PPP1R42: variants seen among roughly 807,000 people sequenced by gnomAD.
PPP1R42 encodes the protein leucine rich repeat containing 67.
Under a neutral mutation model 31.0 loss-of-function variants are expected in PPP1R42, and 34 were observed. The ratio of observed to expected loss-of-function variants is 1.10; its 90% CI spans 0.83 to 1.46. PPP1R42 has a LOEUF of 1.46. Among genes scored for constraint, PPP1R42 ranks in the 40% most tolerant of loss-of-function variants. The probability of loss-of-function intolerance (pLI) is 0.00; values close to 1 mark genes in which losing one functional copy is unlikely to be tolerated. For synonymous variants in PPP1R42, 103 were observed against 109.8 expected, an observed-to-expected ratio of 0.94 and a Z score of 0.39; for missense variants, 268 against 303.0, an observed-to-expected ratio of 0.88 and a Z score of 0.86.
Position 66,988,521 on chromosome 8 carries a change from T to C in PPP1R42, c.553-4A>G. 5.0e-6 allele frequency: 8 copies of C among 1,594,426 alleles called. No homozygotes were observed. Among genetic ancestry groups the C allele is most frequent in the African/African-American group, 1.4e-5 (1 of 73,732 alleles). On this transcript the variant is annotated splice_region_variant and splice_polypyrimidine_tract_variant and intron_variant, in intron 5 of 7. Transcript: ENST00000685739. ...TGTTCAGTAAAAACTCCAAATCCTA[T>C]AATTAGAGAAGAAAAAGCAAAGCAC...
At chr8:67,014,736 T>G (rs192651255) in intron 2 of PPP1R42, 144 bp from the exon 3 acceptor site, 20 of 530,050 alleles carry the variant, frequency 3.8e-5, no homozygotes. Flanking sequence ...CTTGGCACAG[T>G]TAAAACAAGA....
In PPP1R42 at chr8:66,987,270, C is replaced by G. The variant is rs560615318; in HGVS notation, c.670+1130G>C. ...TGCCTCCGTTAACCTGTCTCCATCT[C>G]ATTTTTAGCAAATGATCTTTTTTTT... is the stretch of plus-strand genomic sequence containing the variant. On this transcript the variant is annotated intron_variant, in intron 6 of 7. Coordinates refer to ENST00000685739, the MANE Select transcript of PPP1R42 (RefSeq NM_001364910.1). Among the ~76,000 whole-genome samples, 242 of 147,978 alleles carry G rather than the reference C, an allele frequency of 1.6e-3. 1 individual carries two copies. The highest frequency in any genetic ancestry group is 5.8e-3 in the African/African-American group (235 of 40,172).
intron 7 of PPP1R42, chr8:66,970,956 C>G (rs1005569502): frequency 6.7e-7 from 1 of 1,483,446 alleles, no homozygotes; most frequent in Non-Finnish European, 9.1e-7. Context: ...AAGATAAAGT[C>G]ACATAAATAT....
intron 7 of PPP1R42, among the ~76,000 whole-genome samples, chr8:66,971,752 C>T (rs558316898): frequency 6.6e-6 from 1 of 152,234 alleles, no homozygotes; most frequent in East Asian, 1.9e-4. Flanking sequence ...AGTATGTTTA[C>T]AATTTTGTGT....
chr8:67,006,248 C>T (rs572971405), intron 5 of PPP1R42, among the ~76,000 whole-genome samples: 1 of 152,216 alleles, frequency 6.6e-6, no homozygotes, highest in Non-Finnish European at 1.5e-5. Context: ...CGAGGCCTTT[C>T]GTAATAACCT....
intron 7 of PPP1R42, among the ~76,000 whole-genome samples, chr8:66,977,057 G>T (rs577455911): frequency 1.9e-4 from 28 of 145,814 alleles, no homozygotes; most frequent in African/African-American, 7.1e-4. Context: ...TTTTTTAGAC[G>T]TAGTCTTGCT....
chr8:66,987,595 A>C (rs1019315632), intron 6 of PPP1R42, among the ~76,000 whole-genome samples: 1 of 152,100 alleles, frequency 6.6e-6, no homozygotes, highest in Non-Finnish European at 1.5e-5. Context: ...CCCGGCCTCA[A>C]ATGTTCTTAT....
At chr8:67,008,286 C>T (rs1338116496) in intron 5 of PPP1R42, among the ~76,000 whole-genome samples, 2 of 152,072 alleles carry the variant, frequency 1.3e-5, no homozygotes, top group Non-Finnish European at 2.9e-5. Context: ...TTTCAGGCAT[C>T]CACTGAGGGT....
At chr8:66,989,984 G>A (rs376008235) in intron 5 of PPP1R42, among the ~76,000 whole-genome samples, 3 of 152,194 alleles carry the variant, frequency 2.0e-5, no homozygotes, top group Non-Finnish European at 4.4e-5. Context: ...AACAGAGAGC[G>A]AAAACATTTT....
intron 7 of PPP1R42, chr8:66,970,854 G>A: frequency 1.3e-6 from 1 of 782,160 alleles, no homozygotes; most frequent in Non-Finnish European, 2.2e-6. Flanking sequence ...TCTATGTTTG[G>A]CCAAAAAGGA....
At position 67,020,305 on chromosome 8, in the gene PPP1R42, C is replaced by G. The variant is rs184285571; in HGVS notation, c.-84-2474G>C. On this transcript the variant is annotated intron_variant, in intron 1 of 7. Coordinates refer to ENST00000685739, the MANE Select transcript of PPP1R42 (RefSeq NM_001364910.1). Reference sequence around the variant, plus strand: ...GCAACCTCCGCCTCCTGGGTTCAAGCAATTCTGCCTCAGCCTCCCGAGTAG... The same window carrying G: ...GCAACCTCCGCCTCCTGGGTTCAAGGAATTCTGCCTCAGCCTCCCGAGTAG... Among the ~76,000 whole-genome samples, 285 of 152,182 alleles carry G rather than the reference C, an allele frequency of 1.9e-3. 4 individuals are homozygous for G. The highest frequency in any genetic ancestry group is 6.6e-3 in the African/African-American group (274 of 41,530).
intron 7 of PPP1R42, among the ~76,000 whole-genome samples, chr8:66,965,263 C>CA (rs35319935): frequency 0.062 from 4,078 of 65,916 alleles, 92 homozygotes; most frequent in Non-Finnish European, 0.093. Context: ...GACTCCGTCT[C>CA]AAAAAAAAAA....
intron 1 of PPP1R42, among the ~76,000 whole-genome samples, chr8:67,019,346 A>G (rs1329661336): frequency 6.9e-6 from 1 of 145,864 alleles, no homozygotes; most frequent in Non-Finnish European, 1.5e-5. Context: ...GGTTCAAGCA[A>G]TTCTCTGCCT....
At chr8:67,019,499 A>AGGGG (rs1816142260) in intron 1 of PPP1R42, among the ~76,000 whole-genome samples, 2 of 151,116 alleles carry the variant, frequency 1.3e-5, no homozygotes, top group South Asian at 4.2e-4. Flanking sequence ...CGGCCTCCCA[A>AGGGG]AGTGCTAGGA....
chr8:66,966,402 T>G (rs1814380495), intron 7 of PPP1R42, among the ~76,000 whole-genome samples: 1 of 152,148 alleles, frequency 6.6e-6, no homozygotes, highest in South Asian at 2.1e-4. Context: ...TGACGTTGGG[T>G]CCTTCTGATT....
chr8:67,019,403 G>T (rs567281002), intron 1 of PPP1R42, among the ~76,000 whole-genome samples: 1 of 149,770 alleles, frequency 6.7e-6, no homozygotes, highest in East Asian at 2.1e-4. Flanking sequence ...ACCATGCCCG[G>T]CTAATTTTTG....
chr8:66,991,396 A>T (rs765863216), intron 5 of PPP1R42, among the ~76,000 whole-genome samples: 9 of 152,238 alleles, frequency 5.9e-5, no homozygotes, highest in Non-Finnish European at 8.8e-5. Context: ...TAAAGGAGGT[A>T]CAGGAAAAAC....
chr8:67,003,364 G>T (rs1815565476), intron 5 of PPP1R42, among the ~76,000 whole-genome samples: 1 of 112,014 alleles, frequency 8.9e-6, no homozygotes, highest in African/African-American at 3.4e-5. Flanking sequence ...ATTTTTCTCT[G>T]GTTATGATTT....
chr8:66,978,842 T>C (rs939240354), intron 7 of PPP1R42, among the ~76,000 whole-genome samples: 8 of 152,252 alleles, frequency 5.3e-5, no homozygotes, highest in African/African-American at 1.9e-4. Context: ...CTTATATTTG[T>C]TGGCCATTTG....
Sources: gnomAD v4.1 joint callset for allele counts (sites outside exome capture counted in the v4.1 genomes callset) on GRCh38, gnomAD v4.1.1 for gene constraint, MANE v1.5 for transcripts, NCBI Gene and HGNC (gene_info 2026-07-23, HGNC 2026-07-21) for gene names.